BCL2L11: variants seen among roughly 807,000 people sequenced by gnomAD.
BCL2L11 encodes the protein bcl-2-like protein 11.
BCL2L11 carries 15 observed loss-of-function variants against 20.6 expected under a neutral mutation model. The observed-to-expected ratio is 0.73, with a 90% CI of 0.49 to 1.12. The LOEUF (loss-of-function observed/expected upper bound fraction) is 1.12. Ranked by LOEUF, BCL2L11 falls within the 50% of genes most tolerant of loss-of-function variation. The pLI, the probability that BCL2L11 is intolerant of heterozygous loss-of-function variation, is 0.00. For missense variants in BCL2L11, 292 were observed against 260.9 expected (o/e 1.12, Z -0.82); for synonymous variants, 108 against 92.8 (o/e 1.16, Z -0.94).
At chr2:111,125,423 T>C (rs2072360606) in intron 2 of BCL2L11, among the ~76,000 whole-genome samples, 1 of 152,102 alleles carries the variant, frequency 6.6e-6, no homozygotes, top group Non-Finnish European at 1.5e-5. Context: ...CAGATTAGCT[T>C]GCCATACATG....
chr2:111,124,281 C>G (rs750400666), intron 2 of BCL2L11, 142 bp downstream of exon 2: 3 of 977,868 alleles, frequency 3.1e-6, no homozygotes, highest in Non-Finnish European at 4.3e-6. Flanking sequence ...ATGTGTCAAA[C>G]TATCAAACCA....
At chr2:111,164,071 T>TGG in intron 3 of BCL2L11, 62 bp from the exon 4 acceptor site, 9 of 664,706 alleles carry the variant, frequency 1.4e-5, no homozygotes, top group East Asian at 9.8e-5. Flanking sequence ...AAATATGGGC[T>TGG]CCCACCCCTC....
intron 3 of BCL2L11, 54 bp from the exon 4 acceptor site, chr2:111,164,079 C>CAA: frequency 2.7e-6 from 2 of 743,020 alleles, no homozygotes; most frequent in East Asian, 3.1e-5. Flanking sequence ...GCTCCCACCC[C>CAA]TCCCCACCCC....
In BCL2L11 at chr2:111,120,923, C is replaced by A. The variant is rs1173202653; in HGVS notation, c.-279C>A. On this transcript the variant is annotated 5_prime_UTR_variant, in exon 1 of 4. Coordinates refer to ENST00000393256, the MANE Select transcript of BCL2L11 (RefSeq NM_138621.5). ...GGGCCGCGCAGGTTTCACTTCGCTC[C>A]GCGCAGCCGCCTGGTCTGCAGTTTG... The A allele has an allele frequency of 1.8e-5, 6 of 341,754 alleles. 1 individual carries two copies. Among genetic ancestry groups the A allele is most frequent in the Admixed American group, 1.5e-4 (3 of 19,508 alleles). 21.2% of individuals were successfully genotyped at this position (341,754 alleles called of 1,614,324 possible). A position where few individuals can be genotyped will look rare whatever the true frequency, so the allele number is the denominator to read the frequency against.
chr2:111,155,914 A>G (rs1047903420), intron 3 of BCL2L11, among the ~76,000 whole-genome samples: 1 of 152,254 alleles, frequency 6.6e-6, no homozygotes, highest in Admixed American at 6.5e-5. Context: ...GACAAAGTAG[A>G]GTTGAGAAGG....
chr2:111,155,432 G>A (rs1422241285), intron 3 of BCL2L11, among the ~76,000 whole-genome samples: 1 of 152,170 alleles, frequency 6.6e-6, no homozygotes, highest in Non-Finnish European at 1.5e-5. Context: ...TGGGCCGGAG[G>A]TACTGGAAGG....
At chr2:111,122,779 C>T in intron 1 of BCL2L11, 1 of 985,192 alleles carries the variant, frequency 1.0e-6, no homozygotes, top group Non-Finnish European at 1.2e-6. Context: ...GCGCCGGGGA[C>T]TCTGAACCCG....
chr2:111,130,449 A>G (rs1432753645), intron 2 of BCL2L11, among the ~76,000 whole-genome samples: 2 of 152,224 alleles, frequency 1.3e-5, no homozygotes, highest in African/African-American at 4.8e-5. Context: ...TAGAAATACA[A>G]TTGATTTTTG....
rs1376869889 is a variant in BCL2L11 at position 111,128,590 on chromosome 2, ATACT to A, written c.394+4455_394+4458del. ...GGCACAAGGGTTCCAGTTTCTCCAC[ATACT>A]TACCAACACTTTTTTTTTTTTTTTT... On this transcript the variant is annotated intron_variant, in intron 2 of 3. Transcript: ENST00000393256. 16 of 1,492,298 alleles carry A rather than the reference ATACT, an allele frequency of 1.1e-5. No individual in the cohort carries two copies. The African/African-American group carries it at 2.2e-4, about 20-fold the overall frequency. 92.4% of individuals were successfully genotyped at this position (1,492,298 alleles called of 1,614,324 possible).
chr2:111,162,986 A>G (rs1002193763), intron 3 of BCL2L11: 2 of 152,248 alleles, frequency 1.3e-5, no homozygotes, highest in Non-Finnish European at 2.9e-5. Flanking sequence ...AATCGCTTAC[A>G]TAAAGCTGAT....
At chr2:111,149,948 T>C in intron 2 of BCL2L11, 96 bp from the exon 3 acceptor site, 1 of 971,526 alleles carries the variant, frequency 1.0e-6, no homozygotes, top group Admixed American at 2.4e-5. Flanking sequence ...TGAAAGAGTG[T>C]GTGAGATGGG....
At chr2:111,151,187 C>T (rs1252357151) in intron 3 of BCL2L11, among the ~76,000 whole-genome samples, 2 of 152,294 alleles carry the variant, frequency 1.3e-5, no homozygotes, top group South Asian at 2.1e-4. Context: ...CAGGTGTGAG[C>T]CTCTGCGCCT....
chr2:111,128,887 A>G (rs974173603), intron 2 of BCL2L11: 16 of 1,319,506 alleles, frequency 1.2e-5, no homozygotes, highest in Admixed American at 3.0e-5. Context: ...TGGCTACTAG[A>G]AAAATGCACA....
intron 3 of BCL2L11, among the ~76,000 whole-genome samples, chr2:111,156,612 A>C (rs114249691): frequency 6.6e-6 from 1 of 152,042 alleles, no homozygotes; most frequent in East Asian, 1.9e-4. Context: ...TATGTGGACT[A>C]TGGATTGCTG....
rs1227503758 is a variant in BCL2L11 at position 111,120,967 on chromosome 2, C to CGCCGCT, written c.-223_-218dup. On this transcript the variant is annotated 5_prime_UTR_variant, in exon 1 of 4. Transcript: ENST00000393256. ...CAGTTTGTTGGAGCTCTGCGTCCAG[C>CGCCGCT]GCCGCTGCCGCTGCCGCCGCCGCCG... 3.1e-3 allele frequency: 1,186 copies of CGCCGCT among 377,924 alleles called. 31 individuals are homozygous for CGCCGCT. Among genetic ancestry groups the CGCCGCT allele is most frequent in the African/African-American group, 0.014 (591 of 43,224 alleles). 23.4% of individuals were successfully genotyped at this position (377,924 alleles called of 1,614,324 possible).
chr2:111,128,817 T>G, intron 2 of BCL2L11: 1 of 1,461,640 alleles, frequency 6.8e-7, no homozygotes, highest in Non-Finnish European at 9.0e-7. Flanking sequence ...TGGTCATTGG[T>G]GATTAAATAA....
In BCL2L11 at chr2:111,121,499, C is replaced by G. The variant is rs1387083142; in HGVS notation, c.-14+311C>G. On this transcript the variant is annotated intron_variant, in intron 1 of 3. Transcript: ENST00000393256. ...GGGCAGGAGGAGAGGCAGCGCGTGC[C>G]TTTCGGCGCCGGCCCGGGAGCTGAG... 1.4e-4 allele frequency among the ~76,000 whole-genome samples: 21 copies of G among 152,216 alleles called. No homozygotes were observed. The East Asian group carries it at 3.9e-3, about 28-fold the overall frequency.
In BCL2L11 at chr2:111,124,026, G is replaced by A; in HGVS notation, c.281G>A (p.Ser94Asn). 1 of 1,614,204 alleles carries A rather than the reference G, an allele frequency of 6.2e-7. No homozygotes were observed. The highest frequency in any genetic ancestry group is 8.5e-7 in the Non-Finnish European group (1 of 1,180,036). The change falls in exon 2 of 4, where the codon AGT becomes AAT. Residue 94 changes from serine (S) to asparagine (N), a missense_variant. By Grantham distance (46) the Ser-to-Asn change is conservative (BLOSUM62 1). Transcript: ENST00000393256. Reference sequence around the variant, plus strand: ...TCCTCCCTGCTGTCTCGATCCTCCAGTGGGTATTTCTCTTTTGACACAGAC... The same window carrying A: ...TCCTCCCTGCTGTCTCGATCCTCCAATGGGTATTTCTCTTTTGACACAGAC... ...RRSSLLSRSS[S>N]GYFSFDTDRS...
chr2:111,134,866 A>G (rs1471274102), intron 2 of BCL2L11, among the ~76,000 whole-genome samples: 1 of 152,184 alleles, frequency 6.6e-6, no homozygotes, highest in East Asian at 1.9e-4. Flanking sequence ...TAGATGAGAA[A>G]TCCCTTGTCA....
Sources: gnomAD v4.1 joint callset for allele counts (sites outside exome capture counted in the v4.1 genomes callset) on GRCh38, gnomAD v4.1.1 for gene constraint, MANE v1.5 for transcripts, NCBI Gene and HGNC (gene_info 2026-07-23, HGNC 2026-07-21) for gene names.